Variants in THSD4 observed in about 807,000 individuals in gnomAD.
THSD4 encodes the protein thrombospondin type 1 domain containing 4, also known as thrombospondin type-1 domain-containing protein 4.
A neutral mutation model predicts 119.0 loss-of-function variants in THSD4; 69 were observed. The ratio of observed to expected loss-of-function variants is 0.58; its 90% CI spans 0.48 to 0.71. The LOEUF (loss-of-function observed/expected upper bound fraction) is 0.71, where lower values mean the gene tolerates loss of function less well. THSD4 is among the 30% of genes least tolerant of loss of function. The pLI, the probability that THSD4 is intolerant of heterozygous loss-of-function variation, is 0.00. For missense variants in THSD4, 1,393 were observed against 1,391.1 expected, an observed-to-expected ratio of 1.00 and a Z score of -0.02; for synonymous variants, 524 against 540.4, an observed-to-expected ratio of 0.97 and a Z score of 0.42.
chr15:71,738,528 C>T (rs2053172801), intron 11 of THSD4, among the ~76,000 whole-genome samples: 1 of 152,198 alleles, frequency 6.6e-6, no homozygotes, highest in Admixed American at 6.5e-5. Context: ...TGTTACAATT[C>T]ATCACAGTCA....
chr15:71,608,222 CAAA>C (rs1220559216), intron 7 of THSD4, among the ~76,000 whole-genome samples: 12 of 46,758 alleles, frequency 2.6e-4, no homozygotes, highest in Non-Finnish European at 3.2e-4. Context: ...AACTCTGTCT[CAAA>C]AAAAAAAAAA....
chr15:71,748,330 G>T, intron 13 of THSD4, 91 bp from the exon 14 acceptor site: 1 of 1,495,630 alleles, frequency 6.7e-7, no homozygotes, highest in East Asian at 2.3e-5. Flanking sequence ...GTCTCATGGG[G>T]CTGATCACAA....
intron 4 of THSD4, 55 bp downstream of exon 4, chr15:71,215,454 CT>C: frequency 6.9e-7 from 1 of 1,441,964 alleles, no homozygotes; most frequent in Non-Finnish European, 9.2e-7. Flanking sequence ...GTATCTGCCC[CT>C]GTCCCTGCCC....
At chr15:71,466,884 C>T (rs2047508515) in intron 7 of THSD4, among the ~76,000 whole-genome samples, 1 of 152,238 alleles carries the variant, frequency 6.6e-6, no homozygotes, top group Non-Finnish European at 1.5e-5. Flanking sequence ...CCTGTTGAGT[C>T]TGGGGCAAAT....
intron 7 of THSD4, among the ~76,000 whole-genome samples, chr15:71,649,932 A>G (rs1339603699): frequency 1.3e-5 from 2 of 152,192 alleles, no homozygotes; most frequent in Non-Finnish European, 1.5e-5. Flanking sequence ...AGGAAGTCAG[A>G]AAAGGACTGC....
chr15:71,403,726 T>C (rs1211724100), intron 6 of THSD4, among the ~76,000 whole-genome samples: 1 of 152,228 alleles, frequency 6.6e-6, no homozygotes, highest in Non-Finnish European at 1.5e-5. Flanking sequence ...AAGCAGTAGA[T>C]CTCTCAACTT....
chr15:71,669,754 A>C (rs1296239445), intron 8 of THSD4, among the ~76,000 whole-genome samples: 1 of 152,098 alleles, frequency 6.6e-6, no homozygotes, highest in Non-Finnish European at 1.5e-5. Flanking sequence ...CTTTTCTCCA[A>C]ATGGAGCAGA....
intron 6 of THSD4, among the ~76,000 whole-genome samples, chr15:71,373,659 T>A (rs571030735): frequency 5.3e-4 from 80 of 152,342 alleles, no homozygotes; most frequent in African/African-American, 1.9e-3. Flanking sequence ...TTCTTGGCCC[T>A]ACTCTGCCAC....
chr15:71,314,378 C>T (rs1366399558), intron 6 of THSD4, among the ~76,000 whole-genome samples: 9 of 152,098 alleles, frequency 5.9e-5, no homozygotes. Context: ...CTGGTCTCAG[C>T]TCACTGCAAC....
At position 71,158,148 on chromosome 15, in the gene THSD4, C is replaced by CTTTTTT. The variant is rs1193131967; in HGVS notation, c.99+3234_99+3239dup. 5.7e-3 allele frequency among the ~76,000 whole-genome samples: 487 copies of CTTTTTT among 84,970 alleles called. 2 individuals carry two copies. Among genetic ancestry groups the CTTTTTT allele is most frequent in the East Asian group, 0.01 (25 of 2,448 alleles). The allele number at this position is 84,970 out of a possible 152,430, so 55.7% of individuals were successfully genotyped here. The stretch of plus-strand genomic sequence containing the variant: ...CTTCCACATCCTTACCAACACTTAT[C>CTTTTTT]TTTTTTTTTTTTTTTTTTTTTTTGA... On this transcript the variant is annotated intron_variant, in intron 3 of 17. Coordinates refer to ENST00000261862, the MANE Select transcript of THSD4 (RefSeq NM_024817.3).
At chr15:71,391,607 CAG>C (rs1049979844) in intron 6 of THSD4, among the ~76,000 whole-genome samples, 3 of 152,202 alleles carry the variant, frequency 2.0e-5, no homozygotes, top group African/African-American at 4.8e-5. Context: ...TGTTCCGTGT[CAG>C]AGGAAGGGCG....
rs576798648 is a variant in THSD4 at position 71,752,481 on chromosome 15, A to G, written c.2415+3887A>G. On this transcript the variant is annotated intron_variant, in intron 14 of 17. Coordinates refer to ENST00000261862, the MANE Select transcript of THSD4 (RefSeq NM_024817.3). ...TCATGCAAGTTGGGTGCTATGGTGTAAGTAAATAATTTTTGCCTTATCTAC... is the reference window on the plus strand; with the variant it reads ...TCATGCAAGTTGGGTGCTATGGTGTGAGTAAATAATTTTTGCCTTATCTAC... Among the ~76,000 whole-genome samples, 6 of 152,336 alleles carry G rather than the reference A, an allele frequency of 3.9e-5. No individual in the cohort carries two copies. The South Asian group carries it at 1.2e-3, about 32-fold the overall frequency.
At chr15:71,201,316 A>G (rs1435501468) in intron 3 of THSD4, among the ~76,000 whole-genome samples, 4 of 152,204 alleles carry the variant, frequency 2.6e-5, no homozygotes, top group African/African-American at 7.2e-5. Flanking sequence ...CGACTCTCCT[A>G]TGGATAAAAT....
chr15:71,116,600 C>T (rs2040365049), intron 1 of THSD4, among the ~76,000 whole-genome samples: 1 of 152,144 alleles, frequency 6.6e-6, no homozygotes, highest in Non-Finnish European at 1.5e-5. Flanking sequence ...TGCGCTTCGC[C>T]CTTTTCGGGC....
intron 15 of THSD4, among the ~76,000 whole-genome samples, chr15:71,762,456 T>C (rs776701027): frequency 6.6e-6 from 1 of 152,204 alleles, no homozygotes; most frequent in Non-Finnish European, 1.5e-5. Context: ...ACTTTCTCTT[T>C]TCAGATAAGA....
chr15:71,579,269 C>T (rs2049514681), intron 7 of THSD4, among the ~76,000 whole-genome samples: 1 of 152,174 alleles, frequency 6.6e-6, no homozygotes, highest in Non-Finnish European at 1.5e-5. Context: ...ACAGCTGGCT[C>T]TTCATGGTTG....
At chr15:71,607,525 G>A (rs537654457) in intron 7 of THSD4, among the ~76,000 whole-genome samples, 3 of 152,316 alleles carry the variant, frequency 2.0e-5, no homozygotes, top group South Asian at 2.1e-4. Flanking sequence ...TGAAACAGAC[G>A]TGTGTGGTCA....
At chr15:71,716,740 G>A (rs1387632560) in intron 8 of THSD4, among the ~76,000 whole-genome samples, 1 of 152,032 alleles carries the variant, frequency 6.6e-6, no homozygotes, top group Non-Finnish European at 1.5e-5. Flanking sequence ...GACTTCCAGG[G>A]CCTTTTTCCC....
At chr15:71,097,292 C>T (rs1442468459) in intron 1 of THSD4, among the ~76,000 whole-genome samples, 3 of 152,018 alleles carry the variant, frequency 2.0e-5, no homozygotes, top group Non-Finnish European at 2.9e-5. Flanking sequence ...AGGCTGGGCA[C>T]GGTGGTTGAC....
Sources: allele counts gnomAD v4.1 joint callset (sites outside exome capture counted in the v4.1 genomes callset), GRCh38; gene constraint gnomAD v4.1.1; transcripts MANE v1.5; gene names NCBI Gene and HGNC (gene_info 2026-07-23, HGNC 2026-07-21).